Variants in PDE4DIP observed in about 807,000 individuals in gnomAD.
PDE4DIP encodes phosphodiesterase 4D interacting protein.
In PDE4DIP, 59 loss-of-function variants were observed where a neutral mutation model predicts 221.4. The observed-to-expected ratio is 0.27, with a 90% CI of 0.22 to 0.33. The LOEUF (loss-of-function observed/expected upper bound fraction) is 0.33, where lower values mean the gene tolerates loss of function less well. Ranked by LOEUF, PDE4DIP falls within the 10% of genes least tolerant of loss-of-function variation. The pLI, the probability that PDE4DIP is intolerant of heterozygous loss-of-function variation, is 1.00. For missense variants in PDE4DIP, 1,036 were observed against 2,154.2 expected (o/e 0.48, Z 10.28); for synonymous variants, 404 against 815.9 (o/e 0.50, Z 8.60).
At chr1:148,968,755 T>C (rs2058646082) in intron 13 of PDE4DIP, 81 bp from the exon 17 acceptor site, 3 of 733,382 alleles carry the variant, frequency 4.1e-6, no homozygotes, top group Non-Finnish European at 4.5e-6. Flanking sequence ...CCTTCTTCTA[T>C]GATAGATTCT....
intron 43 of PDE4DIP, chr1:149,030,771 T>C (rs587709340): frequency 1.0e-6 from 1 of 984,978 alleles, no homozygotes; most frequent in African/African-American, 1.7e-5. Flanking sequence ...TTAAGTAACA[T>C]GACAAAAGAG....
exon 20 of PDE4DIP, chr1:148,979,760 A>G (rs1267268328): frequency 6.2e-7 from 1 of 1,613,432 alleles, no homozygotes; most frequent in African/African-American, 1.3e-5. Context: ...TAGAAGGACT[A>G]GTAGATGAAC....
intron 5 of PDE4DIP, chr1:148,952,453 C>T (rs1435697598): frequency 1.8e-5 from 20 of 1,091,862 alleles, no homozygotes; most frequent in African/African-American, 6.5e-5. Context: ...AAGGGGAGGA[C>T]GTTGAGGACG....
chr1:149,030,393 T>C, intron 43 of PDE4DIP, 115 bp downstream of exon 46: 1 of 1,525,298 alleles, frequency 6.6e-7, no homozygotes. Context: ...GGAGAAGACT[T>C]GGGGTCCACT....
At chr1:148,929,463 A>T (rs2047361641) in intron 2 of PDE4DIP, 190 bp downstream of exon 5, 1 of 753,790 alleles carries the variant, frequency 1.3e-6, no homozygotes, top group Admixed American at 3.2e-5. Flanking sequence ...GGTCAGATGG[A>T]CCTTGTCATA....
rs1553520399 is a variant in PDE4DIP, at chr1:148,967,868, T to TA, written c.1749dup (p.Gln584ThrfsTer6). ...GAACAAGAGAGTATCATTCAGCAGT[T>TA]ACAGACGTCTCTTCATGATAGGAAC... On this transcript the variant is annotated frameshift_variant, in exon 13 of 44. Transcript: ENST00000369354. LOFTEE classifies it high-confidence loss of function. The TA allele has an allele frequency of 9.3e-7, 1 of 1,079,042 alleles. No homozygotes were observed. Among genetic ancestry groups the TA allele is most frequent in the Admixed American group, 1.8e-5 (1 of 54,810 alleles). The allele number at this position is 1,079,042 out of a possible 1,614,324, so 66.8% of individuals were successfully genotyped here. A position where few individuals can be genotyped will look rare whatever the true frequency, so the allele number is the denominator to read the frequency against.
chr1:148,952,192 C>G (rs1186112823), intron 5 of PDE4DIP: 1 of 1,038,374 alleles, frequency 9.6e-7, no homozygotes, highest in Non-Finnish European at 1.2e-6. Flanking sequence ...GGCTGTGGCC[C>G]GCGCCAGTAG....
chr1:148,929,203 G>C, exon 2 of PDE4DIP: 1 of 1,613,706 alleles, frequency 6.2e-7, no homozygotes, highest in South Asian at 1.1e-5. Flanking sequence ...TCAGAACATT[G>C]AGCTGAAGGT....
At chr1:148,923,875 G>A (rs2150274687) in intron 1 of PDE4DIP, among the ~76,000 whole-genome samples, 1 of 147,476 alleles carries the variant, frequency 6.8e-6, no homozygotes, top group Admixed American at 6.7e-5. Flanking sequence ...TTTTATAAAT[G>A]AGGAAATTAG....
chr1:149,032,934 C>G (rs2077033237), exon 44 of PDE4DIP: 2 of 200,070 alleles, frequency 1.0e-5, no homozygotes, highest in Non-Finnish European at 2.1e-5. Flanking sequence ...AACTGGTGGA[C>G]AGGGTGGGTG....
intron 1 of PDE4DIP, among the ~76,000 whole-genome samples, chr1:148,843,496 C>T (rs587735858): frequency 2.6e-5 from 2 of 77,448 alleles, no homozygotes; most frequent in African/African-American, 5.8e-5. Flanking sequence ...ACAAGTACAA[C>T]GAAATTAACA....
chr1:148,893,057 G>A (rs1346938264), intron 1 of PDE4DIP, among the ~76,000 whole-genome samples: 2 of 71,626 alleles, frequency 2.8e-5, no homozygotes, highest in Non-Finnish European at 5.1e-5. Context: ...ATATATATAT[G>A]TGTGTGTCTG....
intron 5 of PDE4DIP, chr1:148,952,079 TCTC>T (rs2053503936): frequency 9.8e-7 from 1 of 1,015,248 alleles, no homozygotes. Flanking sequence ...GATTCGTCTT[TCTC>T]CTCCCCGCGA....
intron 1 of PDE4DIP, among the ~76,000 whole-genome samples, chr1:148,913,817 G>A (rs587745960): frequency 4.0e-5 from 5 of 124,916 alleles, no homozygotes; most frequent in Non-Finnish European, 6.5e-5. Flanking sequence ...GCAACTGGAA[G>A]GATGGAGTTG....
intron 4 of PDE4DIP, among the ~76,000 whole-genome samples, chr1:148,934,696 C>A (rs1161620028): frequency 1.5e-5 from 2 of 136,800 alleles, no homozygotes; most frequent in African/African-American, 5.1e-5. Flanking sequence ...CTCTGCCTCC[C>A]AGGTTCAACC....
intron 1 of PDE4DIP, among the ~76,000 whole-genome samples, chr1:148,817,732 AGT>A (rs1668123231): frequency 1.1e-5 from 1 of 87,544 alleles, no homozygotes; most frequent in Non-Finnish European, 2.3e-5. Context: ...TTTCTTCTAC[AGT>A]GTCTAATCTG....
intron 23 of PDE4DIP, among the ~76,000 whole-genome samples, chr1:148,999,796 G>A (rs1212526227): frequency 1.3e-5 from 2 of 152,160 alleles, no homozygotes; most frequent in Non-Finnish European, 2.9e-5. Context: ...TTACTAACCT[G>A]AAACTCTGAT....
intron 17 of PDE4DIP, among the ~76,000 whole-genome samples, chr1:148,976,861 A>G (rs1468357120): frequency 2.6e-5 from 4 of 152,052 alleles, no homozygotes; most frequent in Non-Finnish European, 5.9e-5. Flanking sequence ...GAGTCAAGAG[A>G]AAGTCTGGTG....
intron 12 of PDE4DIP, among the ~76,000 whole-genome samples, chr1:148,967,280 TTC>T (rs1184311207): frequency 6.6e-6 from 1 of 151,804 alleles, no homozygotes; most frequent in East Asian, 1.9e-4. Context: ...ACACACGCTC[TTC>T]TCTCTCTCTC....
Sources: allele counts gnomAD v4.1 joint callset (sites outside exome capture counted in the v4.1 genomes callset), GRCh38; gene constraint gnomAD v4.1.1; transcripts MANE v1.5; gene names NCBI Gene and HGNC (gene_info 2026-07-23, HGNC 2026-07-21).